MSANTD3: variants seen among roughly 807,000 people sequenced by gnomAD.
The protein encoded by MSANTD3 is myb/SANT-like DNA-binding domain-containing protein 3.
In MSANTD3, 11 loss-of-function variants were observed where a neutral mutation model predicts 27.7. The observed-to-expected ratio is 0.40, with a 90% CI of 0.25 to 0.66. The LOEUF (loss-of-function observed/expected upper bound fraction) is 0.66. MSANTD3 is among the 30% of genes least tolerant of loss of function. The pLI is 0.41. For missense variants in MSANTD3, 250 were observed against 336.5 expected (o/e 0.74, Z 2.01); for synonymous variants, 131 against 127.2 (o/e 1.03, Z -0.20).
intron 1 of MSANTD3, among the ~76,000 whole-genome samples, chr9:100,440,593 T>TAA (rs1564249225): frequency 3.9e-4 from 58 of 147,900 alleles, no homozygotes; most frequent in African/African-American, 1.4e-3. Flanking sequence ...ACGTCAAATT[T>TAA]TTTTTTTTTT....
intron 2 of MSANTD3, chr9:100,445,297 A>G (rs1836727630): frequency 2.0e-6 from 2 of 993,326 alleles, no homozygotes; most frequent in Non-Finnish European, 3.2e-6. Context: ...GACATAAGGA[A>G]TGTGTGTGTG....
rs897953613 is a variant in MSANTD3 at position 100,441,640 on chromosome 9, A to C, written c.-33-266A>C. ...GGTGACAAGAGCGAGACTCCGTTTC[A>C]AAAAAAAAATGTTCAACTTTTCTTT... On this transcript the variant is annotated intron_variant, in intron 1 of 2. Coordinates refer to ENST00000395067, the MANE Select transcript of MSANTD3 (RefSeq NM_080655.3). 2.1e-5 allele frequency among the ~76,000 whole-genome samples: 3 copies of C among 142,918 alleles called. No homozygotes were observed. In the East Asian group the frequency reaches 5.8e-4, roughly 28 times the overall value. The allele number at this position is 142,918 out of a possible 152,430, so 93.8% of individuals were successfully genotyped here. A position where few individuals can be genotyped will look rare whatever the true frequency, so the allele number is the denominator to read the frequency against.
chr9:100,450,967 G>A lies in MSANTD3; in HGVS notation c.*1G>A. The A allele has an allele frequency of 1.3e-6, 2 of 1,563,940 alleles. No individual in the cohort carries two copies. The highest frequency in any genetic ancestry group is 1.7e-6 in the Non-Finnish European group (2 of 1,160,662). ...CCGGCCCTTTCCCAATTCGCCCTAA[G>A]ACTTTGGGGGTGGCTCTCTTGTAAT... On this transcript the variant is annotated 3_prime_UTR_variant, in exon 3 of 3. Transcript: ENST00000395067.
intron 1 of MSANTD3, among the ~76,000 whole-genome samples, chr9:100,441,627 G>A (rs1319559462): frequency 6.6e-6 from 1 of 151,862 alleles, no homozygotes; most frequent in African/African-American, 2.4e-5. Flanking sequence ...TGACAAGAGC[G>A]AGACTCCGTT....
chr9:100,442,952 G>A (rs371859338), intron 2 of MSANTD3, among the ~76,000 whole-genome samples: 94 of 152,184 alleles, frequency 6.2e-4, no homozygotes, highest in South Asian at 3.7e-3. Flanking sequence ...TTAGTGAGGT[G>A]CTGCAGTTGC....
intron 2 of MSANTD3, 27 bp downstream of exon 2, chr9:100,442,383 C>G (rs182894493): frequency 2.5e-6 from 4 of 1,582,222 alleles, no homozygotes; most frequent in Admixed American, 3.6e-5. Flanking sequence ...CCAGTGTGCA[C>G]GCTCTCACTG....
intron 2 of MSANTD3, among the ~76,000 whole-genome samples, chr9:100,446,695 C>T (rs370104286): frequency 8.6e-5 from 13 of 151,940 alleles, no homozygotes; most frequent in Non-Finnish European, 1.3e-4. Context: ...GGCCTGGTGG[C>T]GCACACCTGT....
intron 1 of MSANTD3, among the ~76,000 whole-genome samples, chr9:100,433,495 T>A (rs939306508): frequency 6.6e-6 from 1 of 152,078 alleles, no homozygotes; most frequent in Non-Finnish European, 1.5e-5. Flanking sequence ...TTAGCCACCC[T>A]AGTAGCTGGG....
chr9:100,429,545 A>G (rs1264886539), intron 1 of MSANTD3: 1 of 152,168 alleles, frequency 6.6e-6, no homozygotes, highest in Non-Finnish European at 1.5e-5. Flanking sequence ...CGCAAAGAGC[A>G]AATTGCAAAA....
chr9:100,448,354 A>G, intron 2 of MSANTD3: 1 of 985,366 alleles, frequency 1.0e-6, no homozygotes, highest in Non-Finnish European at 1.2e-6. Context: ...CAAAATGTCT[A>G]ATGTGTCCAG....
chr9:100,442,712 G>A (rs1157416543), intron 2 of MSANTD3, among the ~76,000 whole-genome samples: 2 of 151,568 alleles, frequency 1.3e-5, no homozygotes, highest in African/African-American at 4.9e-5. Context: ...GGGAGGCTGA[G>A]GCTGGAGGAT....
chr9:100,437,690 CAGTTT>C (rs1301226107), intron 1 of MSANTD3, among the ~76,000 whole-genome samples: 2 of 152,140 alleles, frequency 1.3e-5, no homozygotes, highest in African/African-American at 4.8e-5. Context: ...GATTAAATAA[CAGTTT>C]AGTTAATAGG....
intron 1 of MSANTD3, among the ~76,000 whole-genome samples, chr9:100,434,542 G>GA (rs60353063): frequency 0.14 from 21,532 of 152,120 alleles, 1,761 homozygotes; most frequent in Middle Eastern, 0.2. Flanking sequence ...AAAAAAGAAA[G>GA]AAACAGTCTT....
At chr9:100,443,139 C>G (rs543985513) in intron 2 of MSANTD3, among the ~76,000 whole-genome samples, 4 of 152,144 alleles carry the variant, frequency 2.6e-5, no homozygotes, top group Non-Finnish European at 4.4e-5. Flanking sequence ...GTGGCTCATG[C>G]CTGTAATCCC....
At chr9:100,445,942 ATATAT>A (rs1004580579) in intron 2 of MSANTD3, among the ~76,000 whole-genome samples, 3 of 152,192 alleles carry the variant, frequency 2.0e-5, no homozygotes, top group African/African-American at 7.2e-5. Context: ...TCCTCCTTAA[ATATAT>A]TAAAACAATT....
chr9:100,430,753 G>A (rs1836357147), intron 1 of MSANTD3, among the ~76,000 whole-genome samples: 1 of 152,204 alleles, frequency 6.6e-6, no homozygotes, highest in Non-Finnish European at 1.5e-5. Context: ...GCATGTGATT[G>A]AAGATTACAT....
At chr9:100,429,693 TG>T (rs1222969291) in intron 1 of MSANTD3, 1 of 151,260 alleles carries the variant, frequency 6.6e-6, no homozygotes, top group African/African-American at 2.4e-5. Flanking sequence ...CACAGGTTTT[TG>T]TTTTTTGTTT....
intron 1 of MSANTD3, among the ~76,000 whole-genome samples, chr9:100,428,978 A>T (rs1392110222): frequency 6.6e-6 from 1 of 152,094 alleles, no homozygotes; most frequent in Non-Finnish European, 1.5e-5. Flanking sequence ...GAGAAGAAGG[A>T]GCTGAGGACT....
intron 1 of MSANTD3, among the ~76,000 whole-genome samples, chr9:100,431,825 G>A (rs73655541): frequency 0.15 from 22,535 of 152,124 alleles, 1,874 homozygotes; most frequent in Middle Eastern, 0.21. Context: ...TTGTAGCTGA[G>A]GTGGTGGGAG....
Sources: gnomAD v4.1 joint callset for allele counts (sites outside exome capture counted in the v4.1 genomes callset) on GRCh38, gnomAD v4.1.1 for gene constraint, MANE v1.5 for transcripts, NCBI Gene and HGNC (gene_info 2026-07-23, HGNC 2026-07-21) for gene names.